LVRN: variants seen among roughly 807,000 people sequenced by gnomAD.
LVRN encodes the protein laeverin, also known as aminopeptidase Q.
A neutral mutation model predicts 111.4 loss-of-function variants in LVRN; 99 were observed. The observed-to-expected ratio is 0.89, with a 90% CI of 0.76 to 1.05. LVRN has a LOEUF of 1.05. Ranked by LOEUF, LVRN falls within the 50% of genes least tolerant of loss-of-function variation. The pLI is 0.00. For missense variants in LVRN, 1,414 were observed against 1,206.8 expected, an observed-to-expected ratio of 1.17 and a Z score of -2.54; for synonymous variants, 488 against 449.5, an observed-to-expected ratio of 1.09 and a Z score of -1.08.
intron 7 of LVRN, 113 bp downstream of exon 7, chr5:116,000,015 C>T (rs1253253150): frequency 9.9e-6 from 12 of 1,217,270 alleles, no homozygotes; most frequent in Non-Finnish European, 1.4e-5. Flanking sequence ...TGAAAATAAC[C>T]TTATTTTAAT....
intron 6 of LVRN, among the ~76,000 whole-genome samples, chr5:115,999,135 C>G (rs1579426): frequency 0.16 from 25,014 of 152,080 alleles, 2,298 homozygotes; most frequent in East Asian, 0.41. Context: ...TGGCTATAAA[C>G]TGATTTTTCT....
chr5:116,000,346 G>A lies in LVRN; in HGVS notation c.1516-87G>A, dbSNP rs1018945358. 29 of 1,536,724 alleles carry A rather than the reference G, an allele frequency of 1.9e-5. 1 individual carries two copies. Among genetic ancestry groups the A allele is most frequent in the Admixed American group, 5.0e-5 (3 of 59,714 alleles). On this transcript the variant is annotated intron_variant, in intron 7 of 19. Transcript: ENST00000357872. ...AATGCAAAATGCAATCAGGAGCACAGCTCAGAATATTGCTTATAAATATGG... is the reference window on the plus strand; with the variant it reads ...AATGCAAAATGCAATCAGGAGCACAACTCAGAATATTGCTTATAAATATGG...
intron 1 of LVRN, among the ~76,000 whole-genome samples, chr5:115,967,491 T>C (rs1753228106): frequency 1.3e-5 from 2 of 152,368 alleles, no homozygotes; most frequent in South Asian, 4.1e-4. Context: ...TAGGTGTTGA[T>C]TCCTGTGCCA....
At chr5:115,989,756 G>A (rs531451820) in intron 4 of LVRN, among the ~76,000 whole-genome samples, 1 of 152,252 alleles carries the variant, frequency 6.6e-6, no homozygotes, top group East Asian at 1.9e-4. Context: ...CATCTCAACT[G>A]ATGTTACCCT....
At chr5:115,970,211 T>G (rs1246093104) in intron 1 of LVRN, among the ~76,000 whole-genome samples, 1 of 152,156 alleles carries the variant, frequency 6.6e-6, no homozygotes, top group Non-Finnish European at 1.5e-5. Context: ...TTTCTTCTGC[T>G]CTTTATAATC....
intron 19 of LVRN, among the ~76,000 whole-genome samples, chr5:116,024,233 A>G (rs1045159161): frequency 2.0e-5 from 3 of 152,290 alleles, no homozygotes; most frequent in African/African-American, 4.8e-5. Flanking sequence ...ACATAAATTA[A>G]ATCCCGATAA....
At position 116,003,334 on chromosome 5, in the gene LVRN, A is replaced by C; in HGVS notation, c.1991A>C (p.Lys664Thr). The change falls in exon 12 of 20, where the codon AAA becomes ACA. Residue 664 changes from lysine to threonine, a missense_variant. Lys to Thr is a moderately conservative substitution (Grantham distance 78). Transcript: ENST00000357872. ...MTGYYRVNYD[K>T]LGWKKLNQQL... ...GGATATTATAGAGTTAATTATGATA[A>C]ATTAGGTTGGAAGAAACTAAATCAA... The C allele has an allele frequency of 6.6e-7, 1 of 1,525,400 alleles. No homozygotes were observed. The highest frequency in any genetic ancestry group is 8.9e-7 in the Non-Finnish European group (1 of 1,122,296). 94.5% of individuals were successfully genotyped at this position (1,525,400 alleles called of 1,614,324 possible). A position where few individuals can be genotyped will look rare whatever the true frequency, so the allele number is the denominator to read the frequency against.
At chr5:115,994,650 A>G (rs1748067156) in intron 6 of LVRN, among the ~76,000 whole-genome samples, 1 of 148,434 alleles carries the variant, frequency 6.7e-6, no homozygotes, top group South Asian at 2.2e-4. Flanking sequence ...TATTTAATTA[A>G]TATTATTGCT....
intron 13 of LVRN, 193 bp from the exon 14 acceptor site, chr5:116,010,548 T>C (rs17138646): frequency 2.5e-5 from 16 of 648,812 alleles, no homozygotes; most frequent in African/African-American, 5.4e-5. Flanking sequence ...AAGTACCAAA[T>C]TGAAATGGAA....
Position 115,984,680 on chromosome 5 carries a change from C to G in LVRN, c.949C>G (p.His317Asp). 1 of 1,613,554 alleles carries G rather than the reference C, an allele frequency of 6.2e-7. No individual in the cohort carries two copies. The highest frequency in any genetic ancestry group is 8.5e-7 in the Non-Finnish European group (1 of 1,179,728). ...LVAFVICDYD[H>D]VNRTERGKEI... ...CGCATTTGTTATATGTGACTATGAC[C>G]ACGTCAACAGAACAGAAAGGGGCAA... is the stretch of plus-strand genomic sequence containing the variant. Residue 317 changes from histidine (H) to aspartate (D), a missense_variant, in exon 3 of 20, where the codon CAC (histidine) becomes GAC (aspartate). Transcript: ENST00000357872.
intron 1 of LVRN, among the ~76,000 whole-genome samples, chr5:115,965,617 T>C (rs180827831): frequency 2.6e-5 from 4 of 152,268 alleles, no homozygotes; most frequent in Admixed American, 1.3e-4. Flanking sequence ...TCATCTTGAA[T>C]TGTAGTTCCC....
chr5:116,026,404 TAA>T lies in LVRN; in HGVS notation c.*287_*288del, dbSNP rs1748867997. On this transcript the variant is annotated 3_prime_UTR_variant, in exon 20 of 20. Transcript: ENST00000357872. ...AATGTCACGTAAAAACAAATTCACC[TAA>T]GATAGTCTTGCTTATTTTGTTGCGA... 2 of 398,032 alleles carry T rather than the reference TAA, an allele frequency of 5.0e-6. No homozygotes were observed. Among genetic ancestry groups the T allele is most frequent in the Admixed American group, 8.2e-5 (2 of 24,492 alleles). 24.7% of individuals were successfully genotyped at this position (398,032 alleles called of 1,614,324 possible). A position where few individuals can be genotyped will look rare whatever the true frequency, so the allele number is the denominator to read the frequency against.
rs1246741201 is a variant in LVRN, at chr5:116,015,422, G to GA, written c.2618+4dup. On this transcript the variant is annotated splice_donor_region_variant and intron_variant, in intron 17 of 19. Coordinates refer to ENST00000357872, the MANE Select transcript of LVRN (RefSeq NM_173800.5). Reference sequence around the variant, plus strand: ...AAAGACCCATGGATACTTAACAGGTGATTATGGTCAACTTACCTTGAAAGT... The same window carrying GA: ...AAAGACCCATGGATACTTAACAGGTGAATTATGGTCAACTTACCTTGAAAGT... The GA allele has an allele frequency of 6.4e-7, 1 of 1,564,014 alleles. No homozygotes were observed. The highest frequency in any genetic ancestry group is 2.3e-5 in the East Asian group (1 of 44,240).
chr5:115,973,513 A>G (rs990292446), intron 1 of LVRN, among the ~76,000 whole-genome samples: 1 of 152,100 alleles, frequency 6.6e-6, no homozygotes, highest in African/African-American at 2.4e-5. Context: ...ATTGAATTTC[A>G]CCCATGAGGC....
intron 6 of LVRN, among the ~76,000 whole-genome samples, chr5:115,997,975 C>T (rs534042983): frequency 6.6e-6 from 1 of 152,150 alleles, no homozygotes; most frequent in South Asian, 2.1e-4. Flanking sequence ...AAACCTTATA[C>T]CAGGCAGGCA....
intron 1 of LVRN, among the ~76,000 whole-genome samples, chr5:115,964,648 A>G (rs2112543546): frequency 6.6e-6 from 1 of 151,280 alleles, no homozygotes; most frequent in Middle Eastern, 3.4e-3. Flanking sequence ...CTGTTCACCT[A>G]CCTCTTCCTT....
intron 1 of LVRN, among the ~76,000 whole-genome samples, chr5:115,969,642 GA>G (rs1183050397): frequency 6.6e-6 from 1 of 151,006 alleles, no homozygotes; most frequent in Admixed American, 6.6e-5. Context: ...CTAAAAATAC[GA>G]AAAAAAATTA....
At chr5:116,014,119 T>A (rs1371197007) in intron 15 of LVRN, among the ~76,000 whole-genome samples, 1 of 152,108 alleles carries the variant, frequency 6.6e-6, no homozygotes, top group Non-Finnish European at 1.5e-5. Context: ...ACAACAGCTG[T>A]GGAGAGTGTG....
chr5:116,014,328 C>A (rs909913639), intron 15 of LVRN, 92 bp from the exon 16 acceptor site: 2 of 868,158 alleles, frequency 2.3e-6, no homozygotes, highest in South Asian at 1.7e-5. Flanking sequence ...TTTAAAAATA[C>A]CCATCTTTTT....
Sources: gnomAD v4.1 joint callset for allele counts (sites outside exome capture counted in the v4.1 genomes callset) on GRCh38, gnomAD v4.1.1 for gene constraint, MANE v1.5 for transcripts, NCBI Gene and HGNC (gene_info 2026-07-23, HGNC 2026-07-21) for gene names.